The following CSNK1G1 variants were observed in gnomAD, a reference collection of about 807,000 sequenced individuals.
CSNK1G1 encodes the protein casein kinase I isoform gamma-1.
Under a neutral mutation model 59.6 loss-of-function variants are expected in CSNK1G1, and 22 were observed. The ratio of observed to expected loss-of-function variants is 0.37; its 90% confidence interval spans 0.26 to 0.53. The LOEUF is 0.53. Among genes scored for constraint, CSNK1G1 ranks in the 20% least tolerant of loss-of-function variants. The pLI, the probability that CSNK1G1 is intolerant of heterozygous loss-of-function variation, is 0.89. For missense variants in CSNK1G1, 384 were observed against 519.5 expected, an observed-to-expected ratio of 0.74 and a Z score of 2.54; for synonymous variants, 179 against 177.1, an observed-to-expected ratio of 1.01 and a Z score of -0.08.
In CSNK1G1 at chr15:64,185,862, G is replaced by GAA. The variant is rs375409365; in HGVS notation, c.1108-5410_1108-5409dup. On this transcript the variant is annotated intron_variant, in intron 10 of 11. Coordinates refer to ENST00000303052, the MANE Select transcript of CSNK1G1 (RefSeq NM_022048.5). ...GGATGACAGAGCCAGACTCCATCTCGAAAAAAAAAAAAAAAAAGAGAGAAA... is the reference window on the plus strand; with the variant it reads ...GGATGACAGAGCCAGACTCCATCTCGAAAAAAAAAAAAAAAAAAAGAGAGAAA... 8.5e-3 allele frequency among the ~76,000 whole-genome samples: 700 copies of GAA among 82,770 alleles called. 9 individuals carry two copies. The highest frequency in any genetic ancestry group is 0.02 in the African/African-American group (419 of 21,290). The allele number at this position is 82,770 out of a possible 152,430, so 54.3% of individuals were successfully genotyped here. A position where few individuals can be genotyped will look rare whatever the true frequency, so the allele number is the denominator to read the frequency against.
chr15:64,346,334 T>G (rs151041945), intron 1 of CSNK1G1, among the ~76,000 whole-genome samples: 1,861 of 151,360 alleles, frequency 0.012, 27 homozygotes, highest in African/African-American at 0.044. Context: ...AAAATAAACC[T>G]TATAACTAAA....
rs183069610 is a variant in CSNK1G1, at chr15:64,173,803, G to A, written c.1215-1818C>T. ...TAATTTTTGTATTTTTAGTAGAGAC[G>A]GGGTTTCACCATGTTGGCCGGGCTG... On this transcript the variant is annotated intron_variant, in intron 11 of 11. Coordinates refer to ENST00000303052, the MANE Select transcript of CSNK1G1 (RefSeq NM_022048.5). Among the ~76,000 whole-genome samples the A allele has an allele frequency of 7.8e-3, 1,176 of 151,618 alleles. 7 individuals carry two copies. The highest frequency in any genetic ancestry group is 0.02 in the Middle Eastern group (6 of 294).
At chr15:64,177,693 T>G (rs146614857) in intron 11 of CSNK1G1, among the ~76,000 whole-genome samples, 291 of 152,298 alleles carry the variant, frequency 1.9e-3, no homozygotes, top group Non-Finnish European at 3.7e-3. Context: ...CAGATTGAAA[T>G]CTCTGTGTGA....
At chr15:64,290,414 T>G (rs560647583) in intron 2 of CSNK1G1, among the ~76,000 whole-genome samples, 1 of 151,912 alleles carries the variant, frequency 6.6e-6, no homozygotes, top group Non-Finnish European at 1.5e-5. Flanking sequence ...ATAATAAAAT[T>G]TCACGTTTTT....
At chr15:64,317,358 G>A (rs1006973634) in intron 1 of CSNK1G1, among the ~76,000 whole-genome samples, 5 of 152,078 alleles carry the variant, frequency 3.3e-5, no homozygotes, top group African/African-American at 1.2e-4. Context: ...CAAAGTGCTG[G>A]GATTACAGGC....
chr15:64,237,923 A>C (rs1437624764), intron 4 of CSNK1G1, among the ~76,000 whole-genome samples: 1 of 152,222 alleles, frequency 6.6e-6, no homozygotes, highest in African/African-American at 2.4e-5. Flanking sequence ...CAAAGGTTTC[A>C]GTGGGTGAAA....
At chr15:64,203,496 G>A (rs970382635) in intron 9 of CSNK1G1, among the ~76,000 whole-genome samples, 3 of 151,768 alleles carry the variant, frequency 2.0e-5, no homozygotes, top group African/African-American at 4.8e-5. Context: ...TCAGGAGTTC[G>A]AGACCAGACT....
At chr15:64,172,547 T>G (rs2081686992) in intron 11 of CSNK1G1, among the ~76,000 whole-genome samples, 1 of 152,168 alleles carries the variant, frequency 6.6e-6, no homozygotes, top group African/African-American at 2.4e-5. Context: ...CCCACCGAAG[T>G]AGGCAGGAGA....
chr15:64,248,175 A>G (rs1231506473), intron 4 of CSNK1G1, among the ~76,000 whole-genome samples: 3 of 152,328 alleles, frequency 2.0e-5, no homozygotes, highest in East Asian at 1.9e-4. Context: ...TTAACTACCA[A>G]TGAGTCATAC....
chr15:64,221,146 T>C (rs912872049), intron 4 of CSNK1G1, among the ~76,000 whole-genome samples: 3 of 152,210 alleles, frequency 2.0e-5, no homozygotes, highest in Non-Finnish European at 4.4e-5. Flanking sequence ...AATAAACATA[T>C]TACTCCATTC....
intron 4 of CSNK1G1, 191 bp downstream of exon 4, chr15:64,251,321 C>T (rs1034515397): frequency 7.8e-6 from 4 of 511,572 alleles, no homozygotes; most frequent in Middle Eastern, 9.6e-4. Flanking sequence ...CAACACAGTT[C>T]CCCTGTCAAC....
At chr15:64,273,239 G>A (rs1893424028) in intron 2 of CSNK1G1, among the ~76,000 whole-genome samples, 2 of 152,088 alleles carry the variant, frequency 1.3e-5, no homozygotes, top group African/African-American at 4.8e-5. Flanking sequence ...ATGTACAGAT[G>A]TATTGAAACA....
chr15:64,176,379 A>G lies in CSNK1G1; in HGVS notation c.1214+3969T>C, dbSNP rs557685266. Reference sequence around the variant, plus strand: ...GGTGAAATGGAAGCGACTCCCTGTGAGCCATGCAAACATGCAGTATGTGTC... The same window carrying G: ...GGTGAAATGGAAGCGACTCCCTGTGGGCCATGCAAACATGCAGTATGTGTC... On this transcript the variant is annotated intron_variant, in intron 11 of 11. Transcript: ENST00000303052. The surrounding 1 kb of genome is among the most constrained non-coding windows in gnomAD (Gnocchi z 5.2). 7.5e-6 allele frequency: 3 copies of G among 398,142 alleles called. No individual in the cohort carries two copies. In the South Asian group the frequency reaches 4.0e-4, roughly 53 times the overall value. The allele number at this position is 398,142 out of a possible 1,614,324, so 24.7% of individuals were successfully genotyped here. A position where few individuals can be genotyped will look rare whatever the true frequency, so the allele number is the denominator to read the frequency against.
rs1306322959 is a variant in CSNK1G1, at chr15:64,331,928, C to G, written c.-225+24060G>C. Among the ~76,000 whole-genome samples, 5 of 150,512 alleles carry G rather than the reference C, an allele frequency of 3.3e-5. No homozygotes were observed. The East Asian group carries it at 7.9e-4, about 24-fold the overall frequency. ...GCCAAAAAACACATGAAAAAATGCT[C>G]ATCATCACTGGCCATCAGAGAAATG... On this transcript the variant is annotated intron_variant, in intron 1 of 11. Coordinates refer to ENST00000303052, the MANE Select transcript of CSNK1G1 (RefSeq NM_022048.5).
rs1596298675 is a variant in CSNK1G1, at chr15:64,340,994, T to TAGTAGAGCCGGGG, written c.-225+14993_-225+14994insCCCCGGCTCTACT. Reference sequence around the variant, plus strand: ...CACGTCCAGCTAATTTTTATCTTTTTTTTTTTTTTTTTTTTTTTTTTTGAG... The same window carrying TAGTAGAGCCGGGG: ...CACGTCCAGCTAATTTTTATCTTTTTAGTAGAGCCGGGGTTTTTTTTTTTTTTTTTTTTTTGAG... On this transcript the variant is annotated intron_variant, in intron 1 of 11. Coordinates refer to ENST00000303052, the MANE Select transcript of CSNK1G1 (RefSeq NM_022048.5). Among the ~76,000 whole-genome samples, 6 of 23,752 alleles carry TAGTAGAGCCGGGG rather than the reference T, an allele frequency of 2.5e-4. 1 individual carries two copies. Among genetic ancestry groups the TAGTAGAGCCGGGG allele is most frequent in the South Asian group, 6.9e-4 (1 of 1,456 alleles). The allele number at this position is 23,752 out of a possible 152,430, so 15.6% of individuals were successfully genotyped here.
At chr15:64,196,958 AT>A (rs1226226386) in intron 10 of CSNK1G1, among the ~76,000 whole-genome samples, 5 of 152,358 alleles carry the variant, frequency 3.3e-5, no homozygotes, top group Middle Eastern at 3.4e-3. Context: ...CTATAAAAAA[AT>A]ATCTATTTAC....
At chr15:64,198,483 C>G (rs927991462) in intron 10 of CSNK1G1, among the ~76,000 whole-genome samples, 1 of 152,006 alleles carries the variant, frequency 6.6e-6, no homozygotes, top group African/African-American at 2.4e-5. Context: ...TGGGATTACA[C>G]GTGTGAGCCA....
chr15:64,195,723 G>A (rs780561592), intron 10 of CSNK1G1, among the ~76,000 whole-genome samples: 6 of 152,148 alleles, frequency 3.9e-5, no homozygotes, highest in Admixed American at 2.0e-4. Flanking sequence ...CCTTTCTGCC[G>A]GATTGTAATA....
chr15:64,252,282 C>T (rs1210350608), intron 3 of CSNK1G1, among the ~76,000 whole-genome samples: 4 of 151,538 alleles, frequency 2.6e-5, no homozygotes, highest in Non-Finnish European at 5.9e-5. Context: ...CAGGGTCTTG[C>T]ACACTGCAGT....
Sources: gnomAD v4.1 joint callset for allele counts (sites outside exome capture counted in the v4.1 genomes callset) on GRCh38, gnomAD v4.1.1 for gene constraint, Gnocchi (gnomAD v3.1) non-coding constraint, MANE v1.5 for transcripts, NCBI Gene and HGNC (gene_info 2026-07-23, HGNC 2026-07-21) for gene names.